PNPLA6: variants seen among roughly 807,000 people sequenced by gnomAD.
PNPLA6 encodes patatin like domain 6, lysophospholipase, also known as patatin-like phospholipase domain-containing protein 6.
A neutral mutation model predicts 153.7 loss-of-function variants in PNPLA6; 105 were observed. The observed-to-expected ratio is 0.68, with a 90% CI of 0.58 to 0.80. The LOEUF is 0.80. PNPLA6 is among the 30% of genes least tolerant of loss of function. The probability of loss-of-function intolerance (pLI) is 0.00; values close to 1 mark genes in which losing one functional copy is unlikely to be tolerated. For missense variants in PNPLA6, 1,423 were observed against 1,919.3 expected, an observed-to-expected ratio of 0.74 and a Z score of 4.83; for synonymous variants, 825 against 822.2, an observed-to-expected ratio of 1.00 and a Z score of -0.06.
At chr19:7,549,494 C>CTTTTT (rs1555747894) in intron 13 of PNPLA6, among the ~76,000 whole-genome samples, 1 of 136,292 alleles carries the variant, frequency 7.3e-6, no homozygotes, top group South Asian at 2.2e-4. Context: ...CCTTCTTCTT[C>CTTTTT]TTTTTTTTTT....
Position 7,536,473 on chromosome 19 carries a change from G to A in PNPLA6, c.340G>A (p.Val114Met), listed in dbSNP as rs1275173256. Residue 114 changes from valine (V) to methionine (M), a missense_variant, in exon 3 of 32, where the codon GTG becomes ATG. Transcript: ENST00000600737. ...RKVSQSTSSL[V>M]DTSVSATSRP... ...GGTGTCACAATCCACCTCCTCCCTC[G>A]TGGATACCTCTGTCTCCGCCACCTC... 10 of 1,613,542 alleles carry A rather than the reference G, an allele frequency of 6.2e-6. No individual in the cohort carries two copies. Among genetic ancestry groups the A allele is most frequent in the Middle Eastern group, 1.6e-4 (1 of 6,084 alleles).
At chr19:7,556,948 C>T (rs117324031) in intron 26 of PNPLA6, 2 of 689,474 alleles carry the variant, frequency 2.9e-6, no homozygotes, top group East Asian at 2.7e-5. Context: ...CCTTACCCCC[C>T]TCACGCCATC....
chr19:7,542,022 G>T lies in PNPLA6; in HGVS notation c.1207G>T (p.Ala403Ser), dbSNP rs17854645. 1 of 1,607,860 alleles carries T rather than the reference G, an allele frequency of 6.2e-7. No individual in the cohort carries two copies. The highest frequency in any genetic ancestry group is 8.5e-7 in the Non-Finnish European group (1 of 1,179,874). ...GCCCACATCCCTGGAAACCCCCTCG[G>T]CCCCTCTGCTGAGCCGCTGCGTCTC... ...VKPTSLETPS[A>S]PLLSRCVSMP... is the part of the protein sequence containing the mutation. The change falls in exon 10 of 32, where the codon GCC becomes TCC. Residue 403 changes from alanine (A) to serine (S), a missense_variant. Physicochemically the swap from Ala to Ser is moderately conservative, Grantham distance 99. Coordinates refer to ENST00000600737, the MANE Select transcript of PNPLA6 (RefSeq NM_001166114.2).
At position 7,550,440 on chromosome 19, in the gene PNPLA6, C is replaced by T. The variant is rs1451070415; in HGVS notation, c.1946+11C>T. 3.7e-6 allele frequency: 6 copies of T among 1,611,442 alleles called. No individual in the cohort carries two copies. The highest frequency in any genetic ancestry group is 5.1e-6 in the Non-Finnish European group (6 of 1,179,754). ...ACGCGCGCTGTACAGGTGCAGCTCC[C>T]ACCGCGCTGCTCAGGCCCGGCCTAG... On this transcript the variant is annotated intron_variant, in intron 15 of 31. Transcript: ENST00000600737.
chr19:7,548,957 C>T (rs777899740), intron 13 of PNPLA6, among the ~76,000 whole-genome samples: 1 of 150,710 alleles, frequency 6.6e-6, no homozygotes, highest in Non-Finnish European at 1.5e-5. Flanking sequence ...CGCCCGCCAC[C>T]ACGCCTGGCT....
chr19:7,547,683 G>A (rs1049887492), intron 13 of PNPLA6, among the ~76,000 whole-genome samples: 4 of 152,192 alleles, frequency 2.6e-5, no homozygotes, highest in African/African-American at 9.6e-5. Context: ...TGTAGCCTAG[G>A]CTGGAGTGTA....
chr19:7,542,162 A>G, intron 10 of PNPLA6, 95 bp downstream of exon 10: 1 of 937,418 alleles, frequency 1.1e-6, no homozygotes, highest in African/African-American at 1.6e-5. Flanking sequence ...AATCTGCGAA[A>G]TGGGAACACT....
chr19:7,550,925 C>T (rs2146089444), intron 16 of PNPLA6, 69 bp from the exon 17 acceptor site: 1 of 1,209,698 alleles, frequency 8.3e-7, no homozygotes, highest in Non-Finnish European at 1.2e-6. Context: ...AGTACAGCCC[C>T]CTTTCCACCC....
In PNPLA6 at chr19:7,541,259, G is replaced by A; in HGVS notation, c.925-95G>A. The A allele has an allele frequency of 1.6e-6, 2 of 1,219,874 alleles. No individual in the cohort carries two copies. Among genetic ancestry groups the A allele is most frequent in the Non-Finnish European group, 1.2e-6 (1 of 847,806 alleles). 75.6% of individuals were successfully genotyped at this position (1,219,874 alleles called of 1,614,324 possible). ...GACTGTGGGTCTCTCCCTGGTTCCC[G>A]CCCGACCCCTTATGCTGCGAACTAG... On this transcript the variant is annotated intron_variant, in intron 7 of 31. Transcript: ENST00000600737. The surrounding 1 kb of genome is among the most constrained non-coding windows in gnomAD (Gnocchi z 5.2).
At chr19:7,554,085 G>C in intron 19 of PNPLA6, 70 bp downstream of exon 19, 1 of 1,597,318 alleles carries the variant, frequency 6.3e-7, no homozygotes, top group Non-Finnish European at 8.6e-7. Flanking sequence ...AGATGTTAGG[G>C]TAGGTCATTT....
rs1441099849 is a variant in PNPLA6 at position 7,555,136 on chromosome 19, C to A, written c.2817+61C>A. The A allele has an allele frequency of 6.4e-7, 1 of 1,558,578 alleles. No homozygotes were observed. The highest frequency in any genetic ancestry group is 1.3e-5 in the African/African-American group (1 of 74,250). ...TGGCTGGTGGGCGAGGCTTGGGAGA[C>A]TGGGGCGGGGCCTGGGAGGGCTGAG... On this transcript the variant is annotated intron_variant, in intron 22 of 31. Transcript: ENST00000600737. This position sits in a 1 kb window ranked among gnomAD's most constrained non-coding sequence, Gnocchi z 6.3.
Position 7,550,038 on chromosome 19 carries a change from C to A in PNPLA6, c.1740C>A (p.Gly580=). 6.2e-7 allele frequency: 1 copy of A among 1,614,010 alleles called. No individual in the cohort carries two copies. Among genetic ancestry groups the A allele is most frequent in the South Asian group, 1.1e-5 (1 of 91,084 alleles). Residue 580 remains glycine, a synonymous_variant, in exon 14 of 32, where the codon GGC becomes GGA. Transcript: ENST00000600737. ...ELVGQLAVLT[G]EPLIFTLRAQ... is the part of the protein sequence containing the mutation. The stretch of plus-strand genomic sequence containing the variant: ...TGGGGCAGCTGGCGGTGCTCACTGG[C>A]GAACCTCTCATCTTCACACTGCGAG...
At chr19:7,551,570 C>A in intron 18 of PNPLA6, 133 bp downstream of exon 18, 1 of 791,814 alleles carries the variant, frequency 1.3e-6, no homozygotes, top group Non-Finnish European at 2.2e-6. Context: ...CTGAGGGTTT[C>A]AAACCCTAAG....
At chr19:7,556,053 CTTTTTTTTTTTTT>C (rs33951220) in intron 24 of PNPLA6, among the ~76,000 whole-genome samples, 1 of 60,316 alleles carries the variant, frequency 1.7e-5, no homozygotes, top group Admixed American at 2.6e-4. Flanking sequence ...CTAAGTGTTC[CTTTTTTTTTTTTT>C]TTTTTTTTTT....
upstream of PNPLA6, chr19:7,535,287 G>A: frequency 3.3e-6 from 2 of 597,690 alleles, no homozygotes; most frequent in South Asian, 1.9e-5. The surrounding 1 kb of genome is among the most constrained non-coding windows in gnomAD (Gnocchi z 5.0). Flanking sequence ...GAAGGGAGCA[G>A]GAAGCCGGGG....
At position 7,555,551 on chromosome 19, in the gene PNPLA6, A is replaced by T. The variant is rs1259803130; in HGVS notation, c.2937-56A>T. 8.2e-6 allele frequency: 13 copies of T among 1,589,998 alleles called. No homozygotes were observed. The highest frequency in any genetic ancestry group is 1.0e-5 in the Non-Finnish European group (12 of 1,165,086). ...GCGGGAGGTGGGAGGAGGTAGGGGC[A>T]GGGGAGTTCCTGCAGGTGGGGCCTA... On this transcript the variant is annotated intron_variant, in intron 23 of 31. Coordinates refer to ENST00000600737, the MANE Select transcript of PNPLA6 (RefSeq NM_001166114.2). The surrounding 1 kb of genome is among the most constrained non-coding windows in gnomAD (Gnocchi z 6.3).
chr19:7,539,118 G>A (rs1019693199), intron 3 of PNPLA6, among the ~76,000 whole-genome samples: 2 of 152,208 alleles, frequency 1.3e-5, no homozygotes, highest in Admixed American at 6.5e-5. Context: ...TGCTGCATGG[G>A]AGCAGCCATA....
rs2023333086 is a variant in PNPLA6, at chr19:7,545,145, G to A, written c.1608+2061G>A. On this transcript the variant is annotated intron_variant, in intron 13 of 31. Transcript: ENST00000600737. Reference sequence around the variant, plus strand: ...GGATTCAAGTGATTCTCCCACCTCAGCCTCCCTCGAAGCTGGGACTACAGT... The same window carrying A: ...GGATTCAAGTGATTCTCCCACCTCAACCTCCCTCGAAGCTGGGACTACAGT... Among the ~76,000 whole-genome samples the A allele has an allele frequency of 1.3e-5, 2 of 152,002 alleles. 1 individual carries two copies. The highest frequency in any genetic ancestry group is 4.1e-4 in the South Asian group (2 of 4,832).
chr19:7,541,219 C>CA lies in PNPLA6; in HGVS notation c.925-135_925-134insA. 9.2e-7 allele frequency: 1 copy of CA among 1,086,528 alleles called. No homozygotes were observed. 67.3% of individuals were successfully genotyped at this position (1,086,528 alleles called of 1,614,324 possible). On this transcript the variant is annotated intron_variant, in intron 7 of 31. Coordinates refer to ENST00000600737, the MANE Select transcript of PNPLA6 (RefSeq NM_001166114.2). The surrounding 1 kb of genome is among the most constrained non-coding windows in gnomAD (Gnocchi z 5.2). ...CCGCGGACTCCTCCCTTAGCTGCCT[C>CA]GCCCCATTTCCCCAGACTGTGGGTC...
Sources: allele counts gnomAD v4.1 joint callset (sites outside exome capture counted in the v4.1 genomes callset), GRCh38; gene constraint gnomAD v4.1.1; non-coding constraint Gnocchi (gnomAD v3.1); transcripts MANE v1.5; gene names NCBI Gene and HGNC (gene_info 2026-07-23, HGNC 2026-07-21).